The following UMAD1 variants were observed in gnomAD, a reference collection of about 807,000 sequenced individuals.
UMAD1 encodes UBAP1-MVB12-associated (UMA) domain containing 1.
In UMAD1, 8 loss-of-function variants were observed where a neutral mutation model predicts 6.1. The observed-to-expected ratio is 1.30, with a 90% CI of 0.76 to 2.35. The LOEUF (loss-of-function observed/expected upper bound fraction) is 2.35. Ranked by LOEUF, UMAD1 falls within the 30% of genes most tolerant of loss-of-function variation. The probability of loss-of-function intolerance (pLI) is 0.00; values close to 1 mark genes in which losing one functional copy is unlikely to be tolerated. For missense variants in UMAD1, 130 were observed against 78.4 expected (o/e 1.66, Z -2.49); for synonymous variants, 56 against 31.4 (o/e 1.78, Z -2.61).
At chr7:7,757,446 AAG>A (rs1254264711) in intron 2 of UMAD1, among the ~76,000 whole-genome samples, 2 of 152,172 alleles carry the variant, frequency 1.3e-5, no homozygotes, top group Non-Finnish European at 2.9e-5. Context: ...TGTTTTTTTT[AAG>A]AGAGTGATCT....
chr7:7,820,181 G>T (rs922398994), intron 3 of UMAD1, among the ~76,000 whole-genome samples: 3 of 54,390 alleles, frequency 5.5e-5, no homozygotes, highest in Non-Finnish European at 1.4e-4. Flanking sequence ...ACAGAAAGAT[G>T]GTGATACAGG....
chr7:7,869,025 G>A (rs542877194), intron 3 of UMAD1, among the ~76,000 whole-genome samples: 1 of 152,340 alleles, frequency 6.6e-6, no homozygotes, highest in East Asian at 1.9e-4. Flanking sequence ...TTTCTCCCAA[G>A]TGAAAGGAGA....
intron 2 of UMAD1, among the ~76,000 whole-genome samples, chr7:7,732,524 G>A (rs1300727874): frequency 6.6e-6 from 1 of 152,096 alleles, no homozygotes; most frequent in African/African-American, 2.4e-5. Flanking sequence ...ACTTAAATCA[G>A]TGTGCCTAAG....
At chr7:7,756,353 A>G (rs1781775375) in intron 2 of UMAD1, among the ~76,000 whole-genome samples, 2 of 152,172 alleles carry the variant, frequency 1.3e-5, no homozygotes, top group Non-Finnish European at 1.5e-5. Flanking sequence ...ATTGTTTGCA[A>G]TTATTTATGA....
chr7:7,814,131 CCAA>C (rs1310761630), intron 3 of UMAD1, among the ~76,000 whole-genome samples: 3 of 151,954 alleles, frequency 2.0e-5, no homozygotes, highest in African/African-American at 7.3e-5. Context: ...CTACAGGCAC[CCAA>C]CACCACGCCC....
At chr7:7,758,108 C>G (rs1392815487) in intron 2 of UMAD1, among the ~76,000 whole-genome samples, 1 of 151,842 alleles carries the variant, frequency 6.6e-6, no homozygotes, top group African/African-American at 2.4e-5. Context: ...AGGGTTCTCC[C>G]TATGTTGACC....
intron 3 of UMAD1, among the ~76,000 whole-genome samples, chr7:7,870,237 A>C (rs6979457): frequency 0.68 from 103,171 of 152,004 alleles, 35,159 homozygotes; most frequent in African/African-American, 0.72. Context: ...AGATTAAAAA[A>C]ATCTGACACG....
chr7:7,729,722 G>T (rs1456225556), intron 2 of UMAD1, among the ~76,000 whole-genome samples: 1 of 152,142 alleles, frequency 6.6e-6, no homozygotes, highest in Admixed American at 6.6e-5. Flanking sequence ...AGTCTCCAAA[G>T]ACTTTGTCAG....
At chr7:7,727,516 G>GCT (rs1781164741) in intron 2 of UMAD1, among the ~76,000 whole-genome samples, 1 of 152,200 alleles carries the variant, frequency 6.6e-6, no homozygotes, top group Non-Finnish European at 1.5e-5. Context: ...GATACTGAGT[G>GCT]TCAACTTGAT....
chr7:7,835,138 A>G (rs1783541577), intron 3 of UMAD1, among the ~76,000 whole-genome samples: 1 of 152,178 alleles, frequency 6.6e-6, no homozygotes, highest in South Asian at 2.1e-4. Context: ...ATTATGTTTT[A>G]TTCACTTAAT....
intron 2 of UMAD1, among the ~76,000 whole-genome samples, chr7:7,798,349 T>G (rs1782728062): frequency 1.3e-5 from 2 of 152,222 alleles, no homozygotes; most frequent in Admixed American, 6.5e-5. Context: ...AAAACTACAT[T>G]TGAAACAAAG....
chr7:7,822,378 CA>C (rs1276641946), intron 3 of UMAD1, among the ~76,000 whole-genome samples: 3 of 148,852 alleles, frequency 2.0e-5, no homozygotes, highest in Middle Eastern at 3.5e-3. Context: ...AATCTTGTTC[CA>C]AAAAAAAACA....
chr7:7,819,982 A>G (rs1223936046), intron 3 of UMAD1, among the ~76,000 whole-genome samples: 1 of 152,234 alleles, frequency 6.6e-6, no homozygotes, highest in Non-Finnish European at 1.5e-5. Context: ...AAGACTCATC[A>G]TATCAAGATC....
intron 2 of UMAD1, among the ~76,000 whole-genome samples, chr7:7,798,600 A>C (rs1782733931): frequency 6.6e-6 from 1 of 152,238 alleles, no homozygotes; most frequent in Non-Finnish European, 1.5e-5. Context: ...CAGGACCAGA[A>C]GGCACAAGAT....
chr7:7,704,814 T>C (rs1259806231), intron 2 of UMAD1, among the ~76,000 whole-genome samples: 1 of 135,674 alleles, frequency 7.4e-6, no homozygotes, highest in Admixed American at 7.6e-5. Flanking sequence ...TGTACTTAAA[T>C]GCCAGTTTAA....
At chr7:7,763,849 C>A (rs1030673406) in intron 2 of UMAD1, among the ~76,000 whole-genome samples, 1 of 152,140 alleles carries the variant, frequency 6.6e-6, no homozygotes, top group African/African-American at 2.4e-5. Context: ...AATACAGCCT[C>A]TAGGAAGATA....
chr7:7,664,864 A>T (rs544243805), intron 1 of UMAD1, among the ~76,000 whole-genome samples: 2 of 152,320 alleles, frequency 1.3e-5, no homozygotes, highest in South Asian at 4.1e-4. Flanking sequence ...TGTTGTCTAA[A>T]TTTTTATATT....
At chr7:7,650,782 G>A (rs1329019525) in intron 1 of UMAD1, among the ~76,000 whole-genome samples, 1 of 152,176 alleles carries the variant, frequency 6.6e-6, no homozygotes, top group African/African-American at 2.4e-5. Context: ...TCTCCATCCA[G>A]TGATTTCCTC....
chr7:7,712,627 T>C (rs189410393), intron 2 of UMAD1, among the ~76,000 whole-genome samples: 15 of 152,346 alleles, frequency 9.8e-5, no homozygotes, highest in Non-Finnish European at 1.9e-4. Context: ...CCTCTGTGAA[T>C]AGTGAGTTTT....
Sources: gnomAD v4.1 joint callset for allele counts (sites outside exome capture counted in the v4.1 genomes callset) on GRCh38, gnomAD v4.1.1 for gene constraint, MANE v1.5 for transcripts, NCBI Gene and HGNC (gene_info 2026-07-23, HGNC 2026-07-21) for gene names.